SLC9A9: variants seen among roughly 807,000 people sequenced by gnomAD.
SLC9A9 encodes the protein solute carrier family 9 member A9, also known as sodium/hydrogen exchanger 9.
Under a neutral mutation model 77.8 loss-of-function variants are expected in SLC9A9, and 62 were observed. The observed-to-expected ratio is 0.80, with a 90% CI of 0.65 to 0.98. The LOEUF (loss-of-function observed/expected upper bound fraction) is 0.98. Ranked by LOEUF, SLC9A9 falls within the 50% of genes least tolerant of loss-of-function variation. SLC9A9 has a pLI of 0.00. For synonymous variants in SLC9A9, 320 were observed against 283.5 expected (o/e 1.13, Z -1.29); for missense variants, 775 against 774.9 (o/e 1.00, Z 0.00).
intron 4 of SLC9A9, among the ~76,000 whole-genome samples, chr3:143,702,005 G>A (rs1933815408): frequency 6.6e-6 from 1 of 152,152 alleles, no homozygotes; most frequent in Admixed American, 6.5e-5. Context: ...GGAGAGAGTG[G>A]CATGACATAT....
In SLC9A9 at chr3:143,266,946, A is replaced by G; in HGVS notation, c.1711-17T>C. ...TAGCTGTTCCTGGTTGGGAAAAGAG[A>G]GAGAGGTGTCACTTCATGATGAAGG... is the stretch of plus-strand genomic sequence containing the variant. On this transcript the variant is annotated splice_polypyrimidine_tract_variant and intron_variant, in intron 15 of 15. Transcript: ENST00000316549. 1 of 1,612,236 alleles carries G rather than the reference A, an allele frequency of 6.2e-7. No individual in the cohort carries two copies. Among genetic ancestry groups the G allele is most frequent in the Non-Finnish European group, 8.5e-7 (1 of 1,178,416 alleles).
At chr3:143,440,416 C>T (rs181215174) in intron 12 of SLC9A9, among the ~76,000 whole-genome samples, 31 of 152,232 alleles carry the variant, frequency 2.0e-4, no homozygotes, top group African/African-American at 4.1e-4. Context: ...GTCGGGGTTA[C>T]GGGGAAGACT....
chr3:143,722,472 CAAAAAAAAA>C (rs60995925), intron 4 of SLC9A9, among the ~76,000 whole-genome samples: 11 of 58,344 alleles, frequency 1.9e-4, no homozygotes, highest in African/African-American at 7.2e-4. Context: ...GACTCCATCT[CAAAAAAAAA>C]AAAAAAAAAA....
rs371467189 is a variant in SLC9A9 at position 143,467,205 on chromosome 3, C to A, written c.1316-15G>T. ...TCCTCGCAAACCTTGCAGGAAAAAC[C>A]AAAGGAGAAAATAAATGCCTTGCAG... is the stretch of plus-strand genomic sequence containing the variant. On this transcript the variant is annotated splice_polypyrimidine_tract_variant and intron_variant, in intron 11 of 15. Transcript: ENST00000316549. The A allele has an allele frequency of 8.3e-5, 134 of 1,613,952 alleles. 1 individual carries two copies. In the African/African-American group the frequency reaches 1.5e-3, roughly 18 times the overall value.
chr3:143,590,741 C>T (rs1559982965), intron 6 of SLC9A9, among the ~76,000 whole-genome samples: 1 of 152,224 alleles, frequency 6.6e-6, no homozygotes, highest in East Asian at 1.9e-4. Context: ...TGTTTGTGAA[C>T]AGAGGGTGTT....
intron 11 of SLC9A9, among the ~76,000 whole-genome samples, chr3:143,472,107 CA>C (rs1283245956): frequency 6.6e-6 from 1 of 152,092 alleles, no homozygotes; most frequent in Non-Finnish European, 1.5e-5. Flanking sequence ...ATTTAAGGTG[CA>C]AAGCAATAAA....
chr3:143,271,989 G>A (rs1937912334), intron 14 of SLC9A9, among the ~76,000 whole-genome samples: 1 of 152,168 alleles, frequency 6.6e-6, no homozygotes, highest in Admixed American at 6.5e-5. Context: ...AGAGATGGAA[G>A]TAGATTCAGA....
intron 2 of SLC9A9, 96 bp from the exon 3 acceptor site, chr3:143,796,999 C>G: frequency 3.2e-6 from 3 of 947,722 alleles, no homozygotes; most frequent in Non-Finnish European, 4.9e-6. Context: ...TTTTGCTAAG[C>G]CTTTGTGAGG....
At chr3:143,481,281 C>A (rs2035569202) in intron 11 of SLC9A9, among the ~76,000 whole-genome samples, 1 of 151,986 alleles carries the variant, frequency 6.6e-6, no homozygotes, top group South Asian at 2.1e-4. Context: ...ATGATACAAA[C>A]CCAGACCAGA....
intron 5 of SLC9A9, among the ~76,000 whole-genome samples, chr3:143,667,457 C>T (rs530545119): frequency 1.7e-3 from 266 of 152,238 alleles, no homozygotes; most frequent in African/African-American, 6.0e-3. Flanking sequence ...AAAGCAATGG[C>T]AACAAAAGCC....
At chr3:143,825,682 A>ACCGAGTCT (rs2108884334) in intron 2 of SLC9A9, among the ~76,000 whole-genome samples, 1 of 152,340 alleles carries the variant, frequency 6.6e-6, no homozygotes, top group African/African-American at 2.4e-5. Context: ...TCCTTTACCA[A>ACCGAGTCT]GCGATAGTGT....
At chr3:143,317,107 C>T (rs191537367) in intron 14 of SLC9A9, among the ~76,000 whole-genome samples, 1 of 152,302 alleles carries the variant, frequency 6.6e-6, no homozygotes, top group East Asian at 1.9e-4. Context: ...CACAGACCTC[C>T]TCCAAGAGAA....
intron 4 of SLC9A9, among the ~76,000 whole-genome samples, chr3:143,730,474 C>T (rs1333677422): frequency 6.6e-6 from 1 of 152,200 alleles, no homozygotes; most frequent in African/African-American, 2.4e-5. Flanking sequence ...TTTGCTTCCA[C>T]AGTTCCTACT....
chr3:143,772,253 A>G (rs2007549563), intron 4 of SLC9A9, among the ~76,000 whole-genome samples: 1 of 152,148 alleles, frequency 6.6e-6, no homozygotes, highest in South Asian at 2.1e-4. Context: ...CTAACAACCA[A>G]GAGCAGAGGG....
intron 4 of SLC9A9, among the ~76,000 whole-genome samples, chr3:143,698,591 T>C (rs1933704971): frequency 6.6e-6 from 1 of 152,204 alleles, no homozygotes; most frequent in African/African-American, 2.4e-5. Flanking sequence ...AGCTATGTTA[T>C]AAAAATGTTT....
chr3:143,690,303 A>G (rs1291843270), intron 5 of SLC9A9, among the ~76,000 whole-genome samples: 1 of 152,128 alleles, frequency 6.6e-6, no homozygotes, highest in Non-Finnish European at 1.5e-5. Flanking sequence ...AGTTCATATA[A>G]TACTAAATTT....
At chr3:143,669,934 A>G (rs1022300556) in intron 5 of SLC9A9, among the ~76,000 whole-genome samples, 1 of 152,198 alleles carries the variant, frequency 6.6e-6, no homozygotes, top group African/African-American at 2.4e-5. Context: ...TCATGCCATC[A>G]AAACTATTAG....
At chr3:143,770,498 G>C (rs1347058713) in intron 4 of SLC9A9, among the ~76,000 whole-genome samples, 1 of 152,168 alleles carries the variant, frequency 6.6e-6, no homozygotes, top group Non-Finnish European at 1.5e-5. Flanking sequence ...ACAATCTTGT[G>C]TTGGGAGGAG....
At chr3:143,715,808 C>G (rs145390994) in intron 4 of SLC9A9, among the ~76,000 whole-genome samples, 1 of 152,266 alleles carries the variant, frequency 6.6e-6, no homozygotes, top group African/African-American at 2.4e-5. Flanking sequence ...CAGCATCGAG[C>G]GTCCTCTCAC....
Sources: gnomAD v4.1 joint callset for allele counts (sites outside exome capture counted in the v4.1 genomes callset) on GRCh38, gnomAD v4.1.1 for gene constraint, MANE v1.5 for transcripts, NCBI Gene and HGNC (gene_info 2026-07-23, HGNC 2026-07-21) for gene names.